Variants in ADCY3 observed in about 807,000 individuals in gnomAD.
ADCY3 encodes the protein adenylate cyclase 3, also known as adenylate cyclase type 3.
A neutral mutation model predicts 119.4 loss-of-function variants in ADCY3; 70 were observed. The observed-to-expected ratio is 0.59, with a 90% CI of 0.48 to 0.72. The LOEUF is 0.72. Ranked by LOEUF, ADCY3 falls within the 30% of genes least tolerant of loss-of-function variation. The probability of loss-of-function intolerance (pLI) is 0.00; values close to 1 mark genes in which losing one functional copy is unlikely to be tolerated. For synonymous variants in ADCY3, 672 were observed against 621.4 expected (o/e 1.08, Z -1.21); for missense variants, 1,238 against 1,541.6 (o/e 0.80, Z 3.30).
rs541734992 is a variant in ADCY3 at position 24,823,846 on chromosome 2, C to T, written c.2737-491G>A. Among the ~76,000 whole-genome samples the T allele has an allele frequency of 1.4e-4, 22 of 152,102 alleles. 1 individual carries two copies. Among genetic ancestry groups the T allele is most frequent in the South Asian group, 8.3e-4 (4 of 4,814 alleles). ...AGCTGGGACGACAGGTGTGCACCAC[C>T]GCGTCCAGTTAATTTTTGTATTTTT... On this transcript the variant is annotated intron_variant, in intron 17 of 21. Transcript: ENST00000679454.
intron 2 of ADCY3, among the ~76,000 whole-genome samples, chr2:24,885,418 A>AC (rs1676916524): frequency 6.6e-6 from 1 of 152,200 alleles, no homozygotes; most frequent in African/African-American, 2.4e-5. Flanking sequence ...CACAGGTCTC[A>AC]CTTCTGCCAA....
At chr2:24,823,485 T>G in intron 17 of ADCY3, 130 bp from the exon 18 acceptor site, 1 of 837,598 alleles carries the variant, frequency 1.2e-6, no homozygotes, top group Non-Finnish European at 1.7e-6. Flanking sequence ...AGTCAGATTA[T>G]TCCAGCATTT....
chr2:24,839,931 C>T lies in ADCY3; in HGVS notation c.1297G>A (p.Asp433Asn), dbSNP rs901136767. 1.9e-6 allele frequency: 3 copies of T among 1,613,752 alleles called. No homozygotes were observed. Among genetic ancestry groups the T allele is most frequent in the African/African-American group, 1.3e-5 (1 of 74,942 alleles). ...ACAGTGACATCAGTCGACCACACGT[C>T]GTACTGCCAGCGCTTCTGGCCCAGG... ...GVLGQKRWQY[D>N]VWSTDVTVAN... The change falls in exon 7 of 22, where the codon GAC becomes AAC. Residue 433 changes from aspartate (D) to asparagine (N), a missense_variant. Transcript: ENST00000679454.
chr2:24,821,164 G>C, intron 20 of ADCY3: 1 of 439,436 alleles, frequency 2.3e-6, no homozygotes, highest in East Asian at 4.3e-5. Context: ...AGAAGCAGCA[G>C]GTGATCTTAA....
intron 3 of ADCY3, among the ~76,000 whole-genome samples, chr2:24,857,739 T>C (rs765416823): frequency 2.0e-5 from 3 of 152,152 alleles, no homozygotes; most frequent in Non-Finnish European, 4.4e-5. Context: ...CTTTGCATTC[T>C]CTCCTTGACC....
In ADCY3 at chr2:24,919,017, G is replaced by T. The variant is rs1304347109; in HGVS notation, c.-30C>A. On this transcript the variant is annotated 5_prime_UTR_variant, in exon 2 of 22. Transcript: ENST00000679454. This position sits in a 1 kb window ranked among gnomAD's most constrained non-coding sequence, Gnocchi z 5.5. ...GCTGGTGTCTGCTACTGGCCCTAGAGAAGTGGACTGGGAACGGAGGAAGAG... is the reference window on the plus strand; with the variant it reads ...GCTGGTGTCTGCTACTGGCCCTAGATAAGTGGACTGGGAACGGAGGAAGAG... 1 of 1,518,704 alleles carries T rather than the reference G, an allele frequency of 6.6e-7. No homozygotes were observed. The highest frequency in any genetic ancestry group is 8.8e-7 in the Non-Finnish European group (1 of 1,136,380). 94.1% of individuals were successfully genotyped at this position (1,518,704 alleles called of 1,614,324 possible). A position where few individuals can be genotyped will look rare whatever the true frequency, so the allele number is the denominator to read the frequency against.
At chr2:24,912,607 GTGTGTGTGTGT>G in intron 2 of ADCY3, among the ~76,000 whole-genome samples, 1 of 124,130 alleles carries the variant, frequency 8.1e-6, no homozygotes, top group African/African-American at 3.7e-5. Context: ...GTGTGTGCAT[GTGTGTGTGTGT>G]GTGTGTGCCT....
At chr2:24,837,488 T>G (rs1358743537) in intron 8 of ADCY3, among the ~76,000 whole-genome samples, 1 of 151,686 alleles carries the variant, frequency 6.6e-6, no homozygotes, top group Non-Finnish European at 1.5e-5. Context: ...CAGCGGGGAG[T>G]ATCAGCCTTC....
At chr2:24,863,171 G>C (rs1673886316) in intron 3 of ADCY3, among the ~76,000 whole-genome samples, 1 of 152,200 alleles carries the variant, frequency 6.6e-6, no homozygotes, top group African/African-American at 2.4e-5. Flanking sequence ...TTGATCCTGG[G>C]TGTGTCTGTG....
At chr2:24,868,370 C>T (rs1674558177) in intron 3 of ADCY3, among the ~76,000 whole-genome samples, 1 of 152,176 alleles carries the variant, frequency 6.6e-6, no homozygotes, top group African/African-American at 2.4e-5. Flanking sequence ...GGCTGAAAAT[C>T]GGTCATCTGA....
chr2:24,823,462 G>T, intron 17 of ADCY3, 107 bp from the exon 18 acceptor site: 2 of 1,233,580 alleles, frequency 1.6e-6, no homozygotes, highest in South Asian at 1.6e-5. Context: ...TCAGCTTTTT[G>T]GACTCACACA....
intron 3 of ADCY3, among the ~76,000 whole-genome samples, chr2:24,860,409 G>A (rs1028627136): frequency 1.3e-5 from 2 of 152,246 alleles, no homozygotes; most frequent in African/African-American, 2.4e-5. Context: ...ACAGGGAAGC[G>A]CCATGGCACT....
chr2:24,851,633 G>A (rs1229968118), intron 3 of ADCY3, among the ~76,000 whole-genome samples: 1 of 152,144 alleles, frequency 6.6e-6, no homozygotes, highest in Non-Finnish European at 1.5e-5. Context: ...CTACAGATGT[G>A]AAGGTCCCCC....
chr2:24,910,393 G>A (rs145175708), intron 2 of ADCY3, among the ~76,000 whole-genome samples: 44 of 152,058 alleles, frequency 2.9e-4, no homozygotes, highest in African/African-American at 8.7e-4. Flanking sequence ...CAAGAGTTTT[G>A]CCATGTTGCC....
intron 11 of ADCY3, chr2:24,832,018 A>AAGGACCGG: frequency 1.2e-5 from 1 of 86,886 alleles, no homozygotes; most frequent in East Asian, 4.1e-4. Flanking sequence ...GCCAGCAGAC[A>AAGGACCGG]GGGACCGGGG....
intron 6 of ADCY3, chr2:24,840,429 C>CT: frequency 1.6e-5 from 6 of 385,388 alleles, no homozygotes; most frequent in South Asian, 1.3e-4. Flanking sequence ...ACGTGTCTGA[C>CT]AGGGCAGGGA....
intron 9 of ADCY3, among the ~76,000 whole-genome samples, chr2:24,835,890 C>T (rs937583377): frequency 1.3e-5 from 2 of 150,612 alleles, no homozygotes; most frequent in African/African-American, 2.4e-5. Context: ...GAGCCAAGAT[C>T]GCGCCACTGC....
intron 16 of ADCY3, among the ~76,000 whole-genome samples, chr2:24,824,781 C>G (rs1220200282): frequency 6.6e-6 from 1 of 152,006 alleles, no homozygotes; most frequent in African/African-American, 2.4e-5. Context: ...CCCAGCTACT[C>G]GGGAGGCTGA....
At chr2:24,914,484 C>A (rs1201012918) in intron 2 of ADCY3, among the ~76,000 whole-genome samples, 1 of 152,048 alleles carries the variant, frequency 6.6e-6, no homozygotes, top group East Asian at 1.9e-4. Flanking sequence ...GCCAGCCTGG[C>A]CAACATGGTG....
Sources: allele counts gnomAD v4.1 joint callset (sites outside exome capture counted in the v4.1 genomes callset), GRCh38; gene constraint gnomAD v4.1.1; non-coding constraint Gnocchi (gnomAD v3.1); transcripts MANE v1.5; gene names NCBI Gene and HGNC (gene_info 2026-07-23, HGNC 2026-07-21).